LDB2: variants seen among roughly 807,000 people sequenced by gnomAD.
The protein encoded by LDB2 is LIM domain-binding protein 2.
In LDB2, 12 loss-of-function variants were observed where a neutral mutation model predicts 44.3. That is an observed-to-expected ratio of 0.27 (90% CI 0.17 to 0.44). LDB2 has a LOEUF of 0.44. Ranked by LOEUF, LDB2 falls within the 20% of genes least tolerant of loss-of-function variation. The pLI is 1.00. For synonymous variants in LDB2, 164 were observed against 174.8 expected, an observed-to-expected ratio of 0.94 and a Z score of 0.49; for missense variants, 344 against 473.5, an observed-to-expected ratio of 0.73 and a Z score of 2.54.
intron 2 of LDB2, among the ~76,000 whole-genome samples, chr4:16,681,813 T>C (rs527666583): frequency 2.4e-4 from 36 of 151,960 alleles, no homozygotes; most frequent in Admixed American, 8.5e-4. Flanking sequence ...CCTCGTGATC[T>C]GCCCGCCTTG....
chr4:16,690,515 GAGGGGGGAGGGAGGGAGGGAGGGAGGT>G (rs1750458377), intron 2 of LDB2, among the ~76,000 whole-genome samples: 2 of 12,342 alleles, frequency 1.6e-4, no homozygotes, highest in Non-Finnish European at 4.4e-4. Context: ...GGGAGGGAGG[GAGGGGGGAGGGAGGGAGGGAGGGAGGT>G]TGGGGAAAGG....
intron 5 of LDB2, among the ~76,000 whole-genome samples, chr4:16,534,915 G>A (rs116068351): frequency 2.6e-5 from 4 of 152,094 alleles, no homozygotes; most frequent in Non-Finnish European, 4.4e-5. Context: ...CCATCCTAGT[G>A]TCCAGACCCA....
chr4:16,524,328 A>C (rs1319653093), intron 5 of LDB2, among the ~76,000 whole-genome samples: 2 of 152,184 alleles, frequency 1.3e-5, no homozygotes, highest in Non-Finnish European at 2.9e-5. Flanking sequence ...GGATGCACAT[A>C]ATAAAGAAGG....
intron 2 of LDB2, among the ~76,000 whole-genome samples, chr4:16,692,705 G>A (rs1751089519): frequency 6.6e-6 from 1 of 152,108 alleles, no homozygotes; most frequent in African/African-American, 2.4e-5. Flanking sequence ...GAGCCAGGAA[G>A]AAAAATGCAG....
At chr4:16,739,587 AAAATATATATATAT>A (rs1196828268) in intron 2 of LDB2, among the ~76,000 whole-genome samples, 1 of 65,380 alleles carries the variant, frequency 1.5e-5, no homozygotes, top group Non-Finnish European at 2.8e-5. Context: ...AAAAAAAAAA[AAAATATATATATAT>A]ATATATATGT....
intron 2 of LDB2, among the ~76,000 whole-genome samples, chr4:16,745,021 C>G (rs1165032168): frequency 6.6e-6 from 1 of 152,128 alleles, no homozygotes; most frequent in African/African-American, 2.4e-5. Flanking sequence ...TTATACAGAT[C>G]AAAATGGTGA....
chr4:16,603,085 C>T (rs1722989574), intron 2 of LDB2, among the ~76,000 whole-genome samples: 1 of 152,130 alleles, frequency 6.6e-6, no homozygotes, highest in Non-Finnish European at 1.5e-5. Flanking sequence ...ATACTATGGG[C>T]TATTTCTTCT....
chr4:16,886,969 C>T (rs1181133534), intron 1 of LDB2, among the ~76,000 whole-genome samples: 1 of 133,018 alleles, frequency 7.5e-6, no homozygotes. Flanking sequence ...GGAGGCAGAG[C>T]TTGCAGTGAG....
intron 5 of LDB2, among the ~76,000 whole-genome samples, chr4:16,585,230 C>A (rs764471245): frequency 1.3e-5 from 2 of 152,162 alleles, no homozygotes; most frequent in Non-Finnish European, 1.5e-5. Flanking sequence ...GAGCACCCGC[C>A]GTCCACCCAC....
At chr4:16,832,578 A>C (rs966801663) in intron 1 of LDB2, among the ~76,000 whole-genome samples, 1 of 152,200 alleles carries the variant, frequency 6.6e-6, no homozygotes, top group Non-Finnish European at 1.5e-5. Context: ...CATTGACACT[A>C]ACTCTACTTC....
chr4:16,823,000 GCT>G (rs1280732218), intron 1 of LDB2, among the ~76,000 whole-genome samples: 1 of 152,172 alleles, frequency 6.6e-6, no homozygotes, highest in South Asian at 2.1e-4. Flanking sequence ...AGATAGCCTA[GCT>G]GCAGAGTCAG....
At chr4:16,588,892 A>G (rs1439964837) in intron 3 of LDB2, 60 bp from the exon 4 acceptor site, 2 of 1,594,138 alleles carry the variant, frequency 1.3e-6, no homozygotes, top group African/African-American at 2.7e-5. Flanking sequence ...ACATTTTGTA[A>G]CTCACATAGC....
chr4:16,537,456 A>G (rs572844246), intron 5 of LDB2, among the ~76,000 whole-genome samples: 6 of 152,340 alleles, frequency 3.9e-5, no homozygotes, highest in African/African-American at 1.4e-4. Context: ...AAAATCCTTA[A>G]CAGTCTCATG....
rs1340248270 is a variant in LDB2 at position 16,739,700 on chromosome 4, A to G, written c.235+19458T>C. ...TGTGTGTATATATGTATATATACAT[A>G]TATGTGTATATATGTATATATACAT... is the stretch of plus-strand genomic sequence containing the variant. On this transcript the variant is annotated intron_variant, in intron 2 of 7. Transcript: ENST00000304523. 2.2e-5 allele frequency among the ~76,000 whole-genome samples: 2 copies of G among 93,000 alleles called. 1 individual carries two copies. Among genetic ancestry groups the G allele is most frequent in the Non-Finnish European group, 4.2e-5 (2 of 47,256 alleles). 61.0% of individuals were successfully genotyped at this position (93,000 alleles called of 152,430 possible). A position where few individuals can be genotyped will look rare whatever the true frequency, so the allele number is the denominator to read the frequency against.
chr4:16,856,637 T>C (rs1269402319), intron 1 of LDB2, among the ~76,000 whole-genome samples: 1 of 152,208 alleles, frequency 6.6e-6, no homozygotes, highest in Non-Finnish European at 1.5e-5. Flanking sequence ...TTAAAATGTG[T>C]ATGTTCTGTA....
At chr4:16,865,030 G>C (rs1220184089) in intron 1 of LDB2, among the ~76,000 whole-genome samples, 1 of 152,086 alleles carries the variant, frequency 6.6e-6, no homozygotes, top group African/African-American at 2.4e-5. Flanking sequence ...CAGATCACTT[G>C]AGGTCAGGAG....
At chr4:16,719,948 TAC>T (rs148467003) in intron 2 of LDB2, among the ~76,000 whole-genome samples, 1,650 of 152,180 alleles carry the variant, frequency 0.011, 35 homozygotes, top group African/African-American at 0.038. Context: ...ACCAACCAGA[TAC>T]AGATTCTAGA....
At position 16,697,416 on chromosome 4, in the gene LDB2, C is replaced by T. The variant is rs6821446; in HGVS notation, c.235+61742G>A. 9.1e-3 allele frequency among the ~76,000 whole-genome samples: 1,384 copies of T among 151,748 alleles called. 26 individuals carry two copies. Among genetic ancestry groups the T allele is most frequent in the African/African-American group, 0.031 (1,284 of 41,352 alleles). ...CTTGCAGTGAGCAGTGAGCTGAGAT[C>T]GCACCACTGCACTCCAGCCTGGGCG... On this transcript the variant is annotated intron_variant, in intron 2 of 7. Transcript: ENST00000304523.
At chr4:16,562,972 A>T (rs1472559974) in intron 5 of LDB2, among the ~76,000 whole-genome samples, 1 of 152,088 alleles carries the variant, frequency 6.6e-6, no homozygotes, top group Non-Finnish European at 1.5e-5. Context: ...AAGGACAAAA[A>T]ACCAAACACC....
Sources: gnomAD v4.1 joint callset for allele counts (sites outside exome capture counted in the v4.1 genomes callset) on GRCh38, gnomAD v4.1.1 for gene constraint, MANE v1.5 for transcripts, NCBI Gene and HGNC (gene_info 2026-07-23, HGNC 2026-07-21) for gene names.